RALGAPB: variants seen among roughly 807,000 people sequenced by gnomAD.
RALGAPB encodes ral GTPase-activating protein subunit beta.
In RALGAPB, 25 loss-of-function variants were observed where a neutral mutation model predicts 161.1. The ratio of observed to expected loss-of-function variants is 0.16; its 90% CI spans 0.11 to 0.22. RALGAPB has a LOEUF of 0.22. Ranked by LOEUF, RALGAPB falls within the 10% of genes least tolerant of loss-of-function variation. The pLI is 1.00. For synonymous variants in RALGAPB, 629 were observed against 626.1 expected (o/e 1.00, Z -0.07); for missense variants, 1,391 against 1,815.2 (o/e 0.77, Z 4.25).
intron 17 of RALGAPB, 22 bp downstream of exon 17, chr20:38,539,980 C>T: frequency 6.3e-7 from 1 of 1,583,652 alleles, no homozygotes; most frequent in Middle Eastern, 1.7e-4. Context: ...TTATTTTAAA[C>T]CATTAAGTAA....
chr20:38,574,123 C>A, intron 28 of RALGAPB, 27 bp from the exon 29 acceptor site: 1 of 1,588,026 alleles, frequency 6.3e-7, no homozygotes, highest in South Asian at 1.1e-5. Context: ...TCTTGGGTGT[C>A]TGAGATAACA....
At position 38,509,458 on chromosome 20, in the gene RALGAPB, A is replaced by G. The variant is rs553193694; in HGVS notation, c.872+250A>G. Among the ~76,000 whole-genome samples, 248 of 152,210 alleles carry G rather than the reference A, an allele frequency of 1.6e-3. 1 individual carries two copies. Among genetic ancestry groups the G allele is most frequent in the African/African-American group, 5.6e-3 (233 of 41,528 alleles). On this transcript the variant is annotated intron_variant, in intron 6 of 29. Transcript: ENST00000262879. ...ACGCGTTCCCTGTGGTAGATGCCGC[A>G]CTTGTTCTCTTGCCTGTTACTGCAG... is the stretch of plus-strand genomic sequence containing the variant.
intron 3 of RALGAPB, among the ~76,000 whole-genome samples, chr20:38,496,087 G>T (rs2122920718): frequency 6.6e-6 from 1 of 152,200 alleles, no homozygotes; most frequent in Non-Finnish European, 1.5e-5. Context: ...GAGCCTTAGG[G>T]CTTTACATGG....
chr20:38,572,659 T>TA (rs1246357896), intron 28 of RALGAPB, among the ~76,000 whole-genome samples: 6 of 152,244 alleles, frequency 3.9e-5, no homozygotes, highest in Non-Finnish European at 7.3e-5. Flanking sequence ...TTTAAACTTC[T>TA]AAAAGAGGGC....
rs2085458991 is a variant in RALGAPB at position 38,497,428 on chromosome 20, A to G, written c.465A>G (p.Ser155=). 5 of 1,613,978 alleles carry G rather than the reference A, an allele frequency of 3.1e-6. No homozygotes were observed. The highest frequency in any genetic ancestry group is 4.2e-6 in the Non-Finnish European group (5 of 1,179,916). The part of the protein sequence containing the change: ...LRAIQKLARE[S]SLMARETWEV... ...CCATTCAGAAACTGGCCCGTGAGTC[A>G]TCTCTCATGGCCCGAGAAACTTGGG... Residue 155 remains serine, a synonymous_variant, in exon 4 of 30, where the codon TCA becomes TCG. Transcript: ENST00000262879.
At chr20:38,481,411 A>G (rs746712951) in intron 1 of RALGAPB, among the ~76,000 whole-genome samples, 17 of 152,218 alleles carry the variant, frequency 1.1e-4, no homozygotes, top group Non-Finnish European at 2.5e-4. Context: ...GAAGCCTCAC[A>G]ATCATGGCAG....
At chr20:38,520,284 G>A in intron 9 of RALGAPB, 1 of 873,894 alleles carries the variant, frequency 1.1e-6, no homozygotes, top group Non-Finnish European at 1.4e-6. Flanking sequence ...TTGTAAGTAG[G>A]AACCAGAAGC....
At chr20:38,507,211 ATAT>A (rs1162156657) in intron 5 of RALGAPB, among the ~76,000 whole-genome samples, 26 of 152,058 alleles carry the variant, frequency 1.7e-4, no homozygotes, top group Admixed American at 6.5e-5. Context: ...ATTCTATATA[ATAT>A]TATCTACTTT....
At chr20:38,486,993 A>C (rs1016965976) in intron 1 of RALGAPB, among the ~76,000 whole-genome samples, 1 of 152,182 alleles carries the variant, frequency 6.6e-6, no homozygotes, top group Non-Finnish European at 1.5e-5. Flanking sequence ...CTAATGAATG[A>C]GCTAATGGCA....
At chr20:38,538,521 T>A in intron 16 of RALGAPB, 1 of 159,320 alleles carries the variant, frequency 6.3e-6, no homozygotes, top group South Asian at 1.8e-4. Context: ...GTAAAGACCT[T>A]TAATAAAATC....
chr20:38,490,753 ACC>A (rs1294101081), intron 2 of RALGAPB, among the ~76,000 whole-genome samples: 3 of 148,602 alleles, frequency 2.0e-5, no homozygotes, highest in Admixed American at 6.7e-5. Context: ...CAGGTGATCC[ACC>A]CACCTTGGCC....
At chr20:38,484,133 G>A (rs975806905) in intron 1 of RALGAPB, among the ~76,000 whole-genome samples, 1 of 152,030 alleles carries the variant, frequency 6.6e-6, no homozygotes, top group Non-Finnish European at 1.5e-5. Context: ...AGCCAAGATG[G>A]CGCTATTGCA....
At chr20:38,565,284 A>G (rs1054335222) in intron 24 of RALGAPB, 75 bp from the exon 25 acceptor site, 22 of 1,531,624 alleles carry the variant, frequency 1.4e-5, no homozygotes, top group Middle Eastern at 3.5e-4. Flanking sequence ...ACCAGTTAAC[A>G]TTTCATGTAG....
intron 16 of RALGAPB, chr20:38,538,395 G>T: frequency 1.5e-5 from 3 of 201,122 alleles, no homozygotes; most frequent in East Asian, 1.2e-4. Context: ...CTAAAGATGA[G>T]ATACTATTCG....
In RALGAPB at chr20:38,552,582, T is replaced by G. The variant is rs573178627; in HGVS notation, c.3163-1285T>G. Reference sequence around the variant, plus strand: ...GATGGGCAGTGGGACTTACAAGTAATAGAGGCAGTAGGGTCAAGAGTCTAG... The same window carrying G: ...GATGGGCAGTGGGACTTACAAGTAAGAGAGGCAGTAGGGTCAAGAGTCTAG... On this transcript the variant is annotated intron_variant, in intron 21 of 29. Transcript: ENST00000262879. Among the ~76,000 whole-genome samples the G allele has an allele frequency of 1.2e-4, 19 of 152,226 alleles. No individual in the cohort carries two copies. In the South Asian group the frequency reaches 3.5e-3, roughly 28 times the overall value.
chr20:38,486,603 C>T (rs1461902579), intron 1 of RALGAPB, among the ~76,000 whole-genome samples: 1 of 152,088 alleles, frequency 6.6e-6, no homozygotes, highest in Non-Finnish European at 1.5e-5. Context: ...CTTAAGTGTA[C>T]AGTAGAGTTT....
Position 38,517,641 on chromosome 20 carries a change from T to C in RALGAPB, c.1187T>C (p.Met396Thr), listed in dbSNP as rs1421670324. ...HRAVTVNKAT[M>T]KTSTVSTAHA... Reference sequence around the variant, plus strand: ...GCTGTTACTGTGAATAAGGCCACCATGAAGACAAGCACAGTAAGAGTTTAC... The same window carrying C: ...GCTGTTACTGTGAATAAGGCCACCACGAAGACAAGCACAGTAAGAGTTTAC... Residue 396 changes from methionine (M) to threonine (T), a missense_variant, in exon 8 of 30, where the codon ATG becomes ACG. Coordinates refer to ENST00000262879, the MANE Select transcript of RALGAPB (RefSeq NM_020336.4). 1 of 1,613,828 alleles carries C rather than the reference T, an allele frequency of 6.2e-7. No homozygotes were observed. Among genetic ancestry groups the C allele is most frequent in the African/African-American group, 1.3e-5 (1 of 74,902 alleles).
At chr20:38,540,898 T>A in intron 17 of RALGAPB, 143 bp from the exon 18 acceptor site, 1 of 762,778 alleles carries the variant, frequency 1.3e-6, no homozygotes, top group South Asian at 2.3e-5. Flanking sequence ...TACTATGAAG[T>A]TAATATATAT....
At chr20:38,510,891 C>G (rs1568927012) in intron 6 of RALGAPB, among the ~76,000 whole-genome samples, 4 of 113,474 alleles carry the variant, frequency 3.5e-5, no homozygotes. Flanking sequence ...GCCTGGGCGA[C>G]AGAGCGAGAC....
Sources: gnomAD v4.1 joint callset for allele counts (sites outside exome capture counted in the v4.1 genomes callset) on GRCh38, gnomAD v4.1.1 for gene constraint, MANE v1.5 for transcripts, NCBI Gene and HGNC (gene_info 2026-07-23, HGNC 2026-07-21) for gene names.